The following CALCR variants were observed in gnomAD, a reference collection of about 807,000 sequenced individuals.
The protein encoded by CALCR is calcitonin receptor.
Under a neutral mutation model 59.5 loss-of-function variants are expected in CALCR, and 47 were observed. The observed-to-expected ratio is 0.79, with a 90% CI of 0.63 to 1.01. CALCR has a LOEUF of 1.01. CALCR is among the 50% of genes least tolerant of loss of function. The pLI is 0.00. For synonymous variants in CALCR, 213 were observed against 211.3 expected (o/e 1.01, Z -0.07); for missense variants, 566 against 597.1 (o/e 0.95, Z 0.54).
At chr7:93,556,928 G>T (rs1411265682) in intron 2 of CALCR, among the ~76,000 whole-genome samples, 1 of 151,976 alleles carries the variant, frequency 6.6e-6, no homozygotes, top group Non-Finnish European at 1.5e-5. Context: ...ATGTAGAAAT[G>T]CTGAGCCAAA....
intron 2 of CALCR, chr7:93,495,755 C>T: frequency 1.5e-6 from 1 of 681,120 alleles, no homozygotes; most frequent in Non-Finnish European, 2.4e-6. Context: ...AGAGTTAATG[C>T]AGACCCTAAA....
chr7:93,426,271 G>C lies in CALCR; in HGVS notation c.*85C>G. 2.6e-6 allele frequency: 2 copies of C among 780,802 alleles called. No individual in the cohort carries two copies. The highest frequency in any genetic ancestry group is 3.0e-5 in the South Asian group (2 of 66,670). 48.4% of individuals were successfully genotyped at this position (780,802 alleles called of 1,614,324 possible). ...TTCACAAATGATATGTTCGGTTCCT[G>C]GGAGGATGGAGAATACTTTAAATGC... On this transcript the variant is annotated 3_prime_UTR_variant, in exon 14 of 14. Transcript: ENST00000426151.
At chr7:93,534,113 CT>C (rs1249855683) in intron 2 of CALCR, among the ~76,000 whole-genome samples, 6 of 151,790 alleles carry the variant, frequency 4.0e-5, no homozygotes, top group African/African-American at 1.4e-4. Flanking sequence ...TCATAAAGTT[CT>C]GTATCCAAAT....
chr7:93,560,803 G>C (rs144861022), intron 2 of CALCR, among the ~76,000 whole-genome samples: 1,794 of 152,178 alleles, frequency 0.012, 139 homozygotes, highest in Admixed American at 0.1. Flanking sequence ...TTGTGGGTGA[G>C]GGATAACCAA....
chr7:93,434,336 T>G, intron 12 of CALCR, 42 bp from the exon 13 acceptor site: 1 of 1,435,230 alleles, frequency 7.0e-7, no homozygotes, highest in African/African-American at 1.4e-5. Flanking sequence ...TATTTTTGTG[T>G]GCATTATGTT....
At chr7:93,557,551 T>C (rs931248949) in intron 2 of CALCR, among the ~76,000 whole-genome samples, 2 of 150,504 alleles carry the variant, frequency 1.3e-5, no homozygotes, top group African/African-American at 4.9e-5. Flanking sequence ...ATGCTGTTAG[T>C]TGACATATTA....
intron 8 of CALCR, among the ~76,000 whole-genome samples, chr7:93,451,143 G>A (rs538400422): frequency 1.1e-4 from 17 of 151,784 alleles, no homozygotes; most frequent in South Asian, 4.2e-4. Context: ...TGTAAACATC[G>A]TAGTTAAATT....
chr7:93,562,231 T>G (rs1287706567), intron 2 of CALCR, among the ~76,000 whole-genome samples: 1 of 152,084 alleles, frequency 6.6e-6, no homozygotes, highest in Admixed American at 6.6e-5. Flanking sequence ...ATTGGAGAGA[T>G]AAAGTACCTA....
chr7:93,444,598 G>A (rs964230448), intron 8 of CALCR, among the ~76,000 whole-genome samples: 1 of 151,928 alleles, frequency 6.6e-6, no homozygotes, highest in Non-Finnish European at 1.5e-5. Context: ...AGATGTTAGT[G>A]GCATCTCCCA....
intron 2 of CALCR, among the ~76,000 whole-genome samples, chr7:93,541,790 T>G (rs955970559): frequency 1.3e-5 from 2 of 152,178 alleles, no homozygotes; most frequent in Non-Finnish European, 2.9e-5. Flanking sequence ...TCTTAAAGAG[T>G]TTGGTCTGTG....
chr7:93,447,066 A>G (rs1478542383), intron 8 of CALCR, among the ~76,000 whole-genome samples: 1 of 151,978 alleles, frequency 6.6e-6, no homozygotes, highest in African/African-American at 2.4e-5. Flanking sequence ...TGCCCTTACT[A>G]CCAGTTCATG....
intron 3 of CALCR, among the ~76,000 whole-genome samples, chr7:93,484,447 T>C (rs1477488614): frequency 6.6e-6 from 1 of 151,756 alleles, no homozygotes; most frequent in Non-Finnish European, 1.5e-5. Context: ...AAAACTACTC[T>C]AAAAAGTATG....
chr7:93,472,097 A>C (rs542322529), intron 6 of CALCR, among the ~76,000 whole-genome samples: 5 of 151,774 alleles, frequency 3.3e-5, no homozygotes, highest in Non-Finnish European at 7.4e-5. Flanking sequence ...GAATCCTTTC[A>C]TCTGCTCTAT....
In CALCR at chr7:93,442,999, C is replaced by T. The variant is rs527443201; in HGVS notation, c.802+605G>A. 9.9e-5 allele frequency among the ~76,000 whole-genome samples: 15 copies of T among 152,214 alleles called. No homozygotes were observed. The South Asian group carries it at 2.9e-3, about 29-fold the overall frequency. ...ATCCCTGAAGGACTTCAGCACCCTG[C>T]CTTAGTTTGTACGGAAGCAGCCACA... On this transcript the variant is annotated intron_variant, in intron 9 of 13. Coordinates refer to ENST00000426151, the MANE Select transcript of CALCR (RefSeq NM_001742.4).
At chr7:93,509,174 C>T (rs927654124) in intron 2 of CALCR, among the ~76,000 whole-genome samples, 3 of 151,988 alleles carry the variant, frequency 2.0e-5, no homozygotes, top group Non-Finnish European at 4.4e-5. Flanking sequence ...AGAGGGATCC[C>T]GTAAGATTCC....
At chr7:93,542,076 C>T (rs1036811889) in intron 2 of CALCR, among the ~76,000 whole-genome samples, 2 of 152,146 alleles carry the variant, frequency 1.3e-5, no homozygotes, top group African/African-American at 4.8e-5. Flanking sequence ...ATTTACCTCT[C>T]AGTCTGTTTT....
At chr7:93,508,723 G>A (rs1421096775) in intron 2 of CALCR, among the ~76,000 whole-genome samples, 1 of 152,108 alleles carries the variant, frequency 6.6e-6, no homozygotes, top group Admixed American at 6.5e-5. Flanking sequence ...CAAGAGTGGT[G>A]TAAGGCTTTT....
At chr7:93,484,220 T>A (rs1800871158) in intron 3 of CALCR, among the ~76,000 whole-genome samples, 1 of 151,814 alleles carries the variant, frequency 6.6e-6, no homozygotes, top group South Asian at 2.1e-4. Flanking sequence ...GGAATCTGAT[T>A]TGAAATGGTC....
At chr7:93,545,234 T>C (rs1789254774) in intron 2 of CALCR, among the ~76,000 whole-genome samples, 1 of 152,146 alleles carries the variant, frequency 6.6e-6, no homozygotes, top group Non-Finnish European at 1.5e-5. Flanking sequence ...GAATAAAATA[T>C]GACTTTCACA....
Sources: allele counts gnomAD v4.1 joint callset (sites outside exome capture counted in the v4.1 genomes callset), GRCh38; gene constraint gnomAD v4.1.1; transcripts MANE v1.5; gene names NCBI Gene and HGNC (gene_info 2026-07-23, HGNC 2026-07-21).